GRK5: variants seen among roughly 807,000 people sequenced by gnomAD.
GRK5 encodes the protein G protein-coupled receptor kinase 5, also known as g protein-coupled receptor kinase GRK5.
In GRK5, 40 loss-of-function variants were observed where a neutral mutation model predicts 78.4. The observed-to-expected ratio is 0.51, with a 90% confidence interval of 0.40 to 0.66. The LOEUF (loss-of-function observed/expected upper bound fraction) is 0.66. Among genes scored for constraint, GRK5 ranks in the 30% least tolerant of loss-of-function variants. The probability of loss-of-function intolerance (pLI) is 0.00; values close to 1 mark genes in which losing one functional copy is unlikely to be tolerated. For missense variants in GRK5, 598 were observed against 759.9 expected (o/e 0.79, Z 2.50); for synonymous variants, 289 against 296.8 (o/e 0.97, Z 0.27).
At chr10:119,236,030 G>A (rs932656792) in intron 1 of GRK5, among the ~76,000 whole-genome samples, 3 of 152,142 alleles carry the variant, frequency 2.0e-5, no homozygotes, top group African/African-American at 7.2e-5. Flanking sequence ...GACCGTGGCT[G>A]CTGCTGCTGG....
chr10:119,261,147 G>C (rs80324936), intron 1 of GRK5, among the ~76,000 whole-genome samples: 3 of 149,592 alleles, frequency 2.0e-5, no homozygotes, highest in African/African-American at 7.4e-5. Context: ...CAGACGGGGC[G>C]GCTGCCGGGC....
In GRK5 at chr10:119,376,033, A is replaced by G. The variant is rs533092155; in HGVS notation, c.149-4782A>G. ...TAAATTATTGATTTACCAGTGAGAC[A>G]CTGAATCCATTCCAGACTCCTGGCC... On this transcript the variant is annotated intron_variant, in intron 2 of 15. Coordinates refer to ENST00000392870, the MANE Select transcript of GRK5 (RefSeq NM_005308.3). Among the ~76,000 whole-genome samples, 7 of 152,306 alleles carry G rather than the reference A, an allele frequency of 4.6e-5. No homozygotes were observed. In the South Asian group the frequency reaches 1.5e-3, roughly 32 times the overall value.
chr10:119,434,484 G>T (rs1439960209), intron 8 of GRK5, among the ~76,000 whole-genome samples: 1 of 152,258 alleles, frequency 6.6e-6, no homozygotes, highest in Non-Finnish European at 1.5e-5. Context: ...CCAAAACAAA[G>T]GGGCTACAGG....
At chr10:119,294,632 C>T (rs923064985) in intron 1 of GRK5, among the ~76,000 whole-genome samples, 1 of 152,050 alleles carries the variant, frequency 6.6e-6, no homozygotes, top group Non-Finnish European at 1.5e-5. Context: ...TGCTCAGGTT[C>T]GCAGGGCTAA....
chr10:119,289,835 G>T (rs1715835370), intron 1 of GRK5, among the ~76,000 whole-genome samples: 1 of 152,142 alleles, frequency 6.6e-6, no homozygotes. Context: ...CTCCTATCAG[G>T]GTTAGGGAGG....
At chr10:119,453,972 A>T (rs1309069367) in intron 15 of GRK5, among the ~76,000 whole-genome samples, 1 of 151,956 alleles carries the variant, frequency 6.6e-6, no homozygotes, top group East Asian at 1.9e-4. Flanking sequence ...CACACCATGA[A>T]GGTGGCCACC....
At chr10:119,399,141 G>A (rs1297847143) in intron 4 of GRK5, among the ~76,000 whole-genome samples, 1 of 152,232 alleles carries the variant, frequency 6.6e-6, no homozygotes, top group African/African-American at 2.4e-5. Context: ...TTTTACAAGT[G>A]CCTCAGAGCC....
intron 2 of GRK5, among the ~76,000 whole-genome samples, chr10:119,345,635 C>T (rs988966880): frequency 2.0e-5 from 3 of 152,070 alleles, no homozygotes; most frequent in Non-Finnish European, 4.4e-5. Context: ...TCTCTGAAGT[C>T]GTGAAACTTG....
At chr10:119,240,434 A>G (rs574431890) in intron 1 of GRK5, among the ~76,000 whole-genome samples, 1 of 151,674 alleles carries the variant, frequency 6.6e-6, no homozygotes, top group African/African-American at 2.4e-5. Context: ...ACCTCCTGAC[A>G]TCATGATCTG....
intron 12 of GRK5, among the ~76,000 whole-genome samples, chr10:119,447,704 G>A (rs1032692275): frequency 3.3e-5 from 5 of 152,204 alleles, no homozygotes; most frequent in African/African-American, 1.2e-4. Flanking sequence ...TGCCTCGGTG[G>A]TGCCTTCTCT....
rs186472776 is a variant in GRK5, at chr10:119,409,594, C to T, written c.339+12822C>T. Reference sequence around the variant, plus strand: ...TGTCCTGGGTGGCAGTGATCCTGGTCCCTGTGGCTTGGCAGGCCCTCCCCA... The same window carrying T: ...TGTCCTGGGTGGCAGTGATCCTGGTTCCTGTGGCTTGGCAGGCCCTCCCCA... On this transcript the variant is annotated intron_variant, in intron 4 of 15. Coordinates refer to ENST00000392870, the MANE Select transcript of GRK5 (RefSeq NM_005308.3). Among the ~76,000 whole-genome samples, 470 of 152,260 alleles carry T rather than the reference C, an allele frequency of 3.1e-3. 3 individuals are homozygous for T. Among genetic ancestry groups the T allele is most frequent in the African/African-American group, 0.011 (437 of 41,542 alleles).
chr10:119,293,899 T>C (rs1850030086), intron 1 of GRK5, among the ~76,000 whole-genome samples: 1 of 152,096 alleles, frequency 6.6e-6, no homozygotes, highest in Non-Finnish European at 1.5e-5. Context: ...TACGATCTAA[T>C]AATGACAAGA....
intron 1 of GRK5, among the ~76,000 whole-genome samples, chr10:119,269,155 C>T (rs1244705954): frequency 6.6e-6 from 1 of 152,210 alleles, no homozygotes. Context: ...AGAAACAAAC[C>T]AGCATCTTTT....
intron 2 of GRK5, chr10:119,335,816 T>C (rs1850877243): frequency 6.6e-6 from 1 of 152,260 alleles, no homozygotes; most frequent in African/African-American, 2.4e-5. Context: ...GTCATCAAGA[T>C]GAAGTGGTGG....
At chr10:119,377,226 G>A (rs1011583872) in intron 2 of GRK5, among the ~76,000 whole-genome samples, 2 of 152,152 alleles carry the variant, frequency 1.3e-5, no homozygotes, top group Non-Finnish European at 2.9e-5. Context: ...ATCCGAAAGG[G>A]TCCACTCCAA....
intron 2 of GRK5, among the ~76,000 whole-genome samples, chr10:119,338,161 C>T (rs1850925660): frequency 6.6e-6 from 1 of 152,118 alleles, no homozygotes; most frequent in African/African-American, 2.4e-5. Context: ...TCCTGATTCC[C>T]ACCGGGTCTG....
intron 3 of GRK5, among the ~76,000 whole-genome samples, chr10:119,393,708 C>T (rs1024732094): frequency 6.6e-6 from 1 of 152,236 alleles, no homozygotes; most frequent in Non-Finnish European, 1.5e-5. Flanking sequence ...GGAGACGCCA[C>T]TGCTGCCCCG....
chr10:119,261,386 C>A (rs1849396300), intron 1 of GRK5, among the ~76,000 whole-genome samples: 2 of 148,850 alleles, frequency 1.3e-5, no homozygotes, highest in South Asian at 4.3e-4. Flanking sequence ...GGGATGGCGG[C>A]CGGGCAGAGA....
chr10:119,330,182 A>G (rs963921722), intron 2 of GRK5: 2 of 152,012 alleles, frequency 1.3e-5, no homozygotes, highest in Non-Finnish European at 2.9e-5. Context: ...CATGTAACCT[A>G]TGTCTTAGCA....
Sources: allele counts gnomAD v4.1 joint callset (sites outside exome capture counted in the v4.1 genomes callset), GRCh38; gene constraint gnomAD v4.1.1; transcripts MANE v1.5; gene names NCBI Gene and HGNC (gene_info 2026-07-23, HGNC 2026-07-21).